Variants in NCOR1 observed in about 807,000 individuals in gnomAD.
NCOR1 encodes the protein protein phosphatase 1, regulatory subunit 109.
NCOR1 carries 63 observed loss-of-function variants against 288.1 expected under a neutral mutation model. The ratio of observed to expected loss-of-function variants is 0.22; its 90% CI spans 0.18 to 0.27. The LOEUF is 0.27. Ranked by LOEUF, NCOR1 falls within the 10% of genes least tolerant of loss-of-function variation. The probability of loss-of-function intolerance (pLI) is 1.00; values close to 1 mark genes in which losing one functional copy is unlikely to be tolerated. For synonymous variants in NCOR1, 1,007 were observed against 1,065.9 expected (o/e 0.94, Z 1.08); for missense variants, 2,397 against 3,019.2 (o/e 0.79, Z 4.83).
intron 6 of NCOR1, among the ~76,000 whole-genome samples, chr17:16,157,607 A>C (rs1229442151): frequency 6.6e-6 from 1 of 152,202 alleles, no homozygotes; most frequent in African/African-American, 2.4e-5. Context: ...ATAGACTGAC[A>C]GATGAATCCA....
At position 16,071,540 on chromosome 17, in the gene NCOR1, T is replaced by C. The variant is rs2061762595; in HGVS notation, c.4021A>G (p.Ile1341Val). 1.9e-6 allele frequency: 3 copies of C among 1,614,156 alleles called. No individual in the cohort carries two copies. The highest frequency in any genetic ancestry group is 2.5e-6 in the Non-Finnish European group (3 of 1,180,018). ...CGCCCCATTTCTTTGATGGTGGTGA[T>C]GCCATCATATGGTTTTCCTTTGGTA... ...AITKGKPYDG[I>V]TTIKEMGRSI... The change falls in exon 30 of 46, where the codon ATC becomes GTC. Residue 1341 changes from isoleucine (I) to valine (V), a missense_variant. By Grantham distance (29) the Ile-to-Val change is conservative. Coordinates refer to ENST00000268712, the MANE Select transcript of NCOR1 (RefSeq NM_006311.4).
At chr17:16,143,557 A>T in intron 11 of NCOR1, 49 bp downstream of exon 11, 1 of 1,454,606 alleles carries the variant, frequency 6.9e-7, no homozygotes, top group East Asian at 2.3e-5. Flanking sequence ...ACAGAGTTAA[A>T]ATGCTTTAAT....
rs2086522307 is a variant in NCOR1 at position 16,185,689 on chromosome 17, A to AAAT, written c.242+864_242+865insATT. Among the ~76,000 whole-genome samples the AAAT allele has an allele frequency of 4.8e-5, 7 of 145,646 alleles. No homozygotes were observed. In the South Asian group the frequency reaches 1.5e-3, roughly 31 times the overall value. On this transcript the variant is annotated intron_variant, in intron 3 of 45. Coordinates refer to ENST00000268712, the MANE Select transcript of NCOR1 (RefSeq NM_006311.4). ...CAAGAGTGAGACTCTTTCTCAAAAA[A>AAAT]AAAAAAAAAAAAAAAAAAAAGAATT...
At position 16,080,742 on chromosome 17, in the gene NCOR1, A is replaced by G. The variant is rs997792784; in HGVS notation, c.3178-15T>C. Reference sequence around the variant, plus strand: ...CCTGGTGTTCCCTAAGAAAAAAACAAAAAAAAATTTAAAGATTAAGCAAAC... The same window carrying G: ...CCTGGTGTTCCCTAAGAAAAAAACAGAAAAAAATTTAAAGATTAAGCAAAC... On this transcript the variant is annotated splice_polypyrimidine_tract_variant and intron_variant, in intron 23 of 45. Coordinates refer to ENST00000268712, the MANE Select transcript of NCOR1 (RefSeq NM_006311.4). 2 of 1,600,708 alleles carry G rather than the reference A, an allele frequency of 1.2e-6. No individual in the cohort carries two copies. Among genetic ancestry groups the G allele is most frequent in the Non-Finnish European group, 1.7e-6 (2 of 1,173,676 alleles).
intron 3 of NCOR1, 82 bp downstream of exon 3, chr17:16,186,472 A>G (rs1005220003): frequency 6.9e-7 from 1 of 1,450,928 alleles, no homozygotes; most frequent in Non-Finnish European, 9.3e-7. Flanking sequence ...TGGTTAATAA[A>G]AAGTAAAAAA....
chr17:16,138,280 T>G lies in NCOR1; in HGVS notation c.1353-68A>C, dbSNP rs1406348702. On this transcript the variant is annotated intron_variant, in intron 12 of 45. Coordinates refer to ENST00000268712, the MANE Select transcript of NCOR1 (RefSeq NM_006311.4). The stretch of plus-strand genomic sequence containing the variant: ...TTCAACAACTAAAAAAAAAAAAACT[T>G]GGGAAAAGAAAGACTATGTATAGGC... 2.8e-5 allele frequency: 38 copies of G among 1,342,064 alleles called. No homozygotes were observed. The African/African-American group carries it at 5.3e-4, about 19-fold the overall frequency. 83.1% of individuals were successfully genotyped at this position (1,342,064 alleles called of 1,614,324 possible).
chr17:16,169,669 C>T (rs1297402807), intron 4 of NCOR1, among the ~76,000 whole-genome samples: 1 of 152,066 alleles, frequency 6.6e-6, no homozygotes, highest in East Asian at 1.9e-4. Flanking sequence ...TTCTGAACAC[C>T]CAGTTTCTCA....
At chr17:16,168,345 C>T (rs1375315102) in intron 4 of NCOR1, among the ~76,000 whole-genome samples, 7 of 152,014 alleles carry the variant, frequency 4.6e-5, no homozygotes, top group African/African-American at 1.2e-4. Context: ...GGATTACAGG[C>T]GCCTGCCACC....
intron 40 of NCOR1, among the ~76,000 whole-genome samples, chr17:16,055,716 T>C (rs991337006): frequency 6.6e-6 from 1 of 152,264 alleles, no homozygotes; most frequent in Non-Finnish European, 1.5e-5. Context: ...CAGTTGATGC[T>C]GTTTTCTAAC....
At chr17:16,053,583 A>G (rs937775447) in intron 40 of NCOR1, among the ~76,000 whole-genome samples, 7 of 152,246 alleles carry the variant, frequency 4.6e-5, no homozygotes, top group Non-Finnish European at 1.0e-4. Flanking sequence ...GCTCATGGAT[A>G]GGAAGAATCA....
intron 42 of NCOR1, chr17:16,044,896 T>C: frequency 1.4e-6 from 1 of 721,206 alleles, no homozygotes; most frequent in South Asian, 1.5e-5. Context: ...GAGAAGAAAG[T>C]GGAAGCAAAC....
chr17:16,047,263 T>A (rs2058776913), intron 41 of NCOR1, among the ~76,000 whole-genome samples, 170 bp from the exon 42 acceptor site: 1 of 152,110 alleles, frequency 6.6e-6, no homozygotes, highest in Non-Finnish European at 1.5e-5. Flanking sequence ...ACTTAGTACA[T>A]CATTTGAGGA....
At chr17:16,110,749 T>C (rs935109482) in intron 18 of NCOR1, among the ~76,000 whole-genome samples, 2 of 152,176 alleles carry the variant, frequency 1.3e-5, no homozygotes, top group Admixed American at 6.5e-5. Flanking sequence ...TACTCAACAT[T>C]CTCATGCGGA....
intron 3 of NCOR1, among the ~76,000 whole-genome samples, chr17:16,186,284 G>T (rs2086668317): frequency 6.6e-6 from 1 of 152,160 alleles, no homozygotes; most frequent in Admixed American, 6.5e-5. Context: ...GTTCTAATGT[G>T]CAGCCCAAGT....
At chr17:16,036,842 T>C (rs1597588856) in intron 44 of NCOR1, among the ~76,000 whole-genome samples, 1 of 152,358 alleles carries the variant, frequency 6.6e-6, no homozygotes, top group African/African-American at 2.4e-5. Context: ...AAACACTGTT[T>C]TGCTTTATTA....
At chr17:16,070,546 A>G in intron 30 of NCOR1, 21 bp from the exon 31 acceptor site, 1 of 1,603,570 alleles carries the variant, frequency 6.2e-7, no homozygotes, top group Non-Finnish European at 8.5e-7. Flanking sequence ...AGAAACAAAC[A>G]TTACAGGTAG....
At position 16,119,505 on chromosome 17, in the gene NCOR1, C is replaced by G; in HGVS notation, c.1853-20G>C. 6.5e-7 allele frequency: 1 copy of G among 1,542,934 alleles called. No homozygotes were observed. Among genetic ancestry groups the G allele is most frequent in the African/African-American group, 1.4e-5 (1 of 72,312 alleles). The stretch of plus-strand genomic sequence containing the variant: ...TAGAAACTAAAATAAAGAGAGAACC[C>G]AATCAGGCAGAGAAAAACAAAGTTA... On this transcript the variant is annotated intron_variant, in intron 16 of 45. Coordinates refer to ENST00000268712, the MANE Select transcript of NCOR1 (RefSeq NM_006311.4).
Position 16,061,625 on chromosome 17 carries a change from G to A in NCOR1, c.5657C>T (p.Ala1886Val), listed in dbSNP as rs747886688. 6.2e-7 allele frequency: 1 copy of A among 1,614,202 alleles called. No individual in the cohort carries two copies. Among genetic ancestry groups the A allele is most frequent in the South Asian group, 1.1e-5 (1 of 91,082 alleles). ...AGGCTGGGGCTTGCCACTTGGAAAG[G>A]CTGAAGAAGTGTATAAACACTGAAC... ...RSVQCLYTSSAFPSGKPQPHS... is the reference protein window; with the variant it reads ...RSVQCLYTSSVFPSGKPQPHS... Residue 1886 changes from alanine (A) to valine (V), a missense_variant, in exon 37 of 46, where the codon GCC becomes GTC. Transcript: ENST00000268712.
At chr17:16,072,026 C>T (rs1414634701) in intron 29 of NCOR1, 119 bp downstream of exon 29, 25 of 784,310 alleles carry the variant, frequency 3.2e-5, no homozygotes, top group Non-Finnish European at 2.0e-6. Context: ...ATAACCAAGA[C>T]TTTAATATTT....
Sources: allele counts gnomAD v4.1 joint callset (sites outside exome capture counted in the v4.1 genomes callset), GRCh38; gene constraint gnomAD v4.1.1; transcripts MANE v1.5; gene names NCBI Gene and HGNC (gene_info 2026-07-23, HGNC 2026-07-21).